The following SRGAP2B variants were observed in gnomAD, a reference collection of about 807,000 sequenced individuals.
The protein encoded by SRGAP2B is SLIT-ROBO Rho GTPase activating protein 2B, also known as SLIT-ROBO Rho GTPase-activating protein 2B.
SRGAP2B carries 9 observed loss-of-function variants against 22.2 expected under a neutral mutation model. The ratio of observed to expected loss-of-function variants is 0.41; its 90% confidence interval spans 0.24 to 0.71. SRGAP2B has a LOEUF of 0.71. SRGAP2B is among the 30% of genes least tolerant of loss of function. The probability of loss-of-function intolerance (pLI) is 0.35; values close to 1 mark genes in which losing one functional copy is unlikely to be tolerated. For synonymous variants in SRGAP2B, 36 were observed against 87.4 expected (o/e 0.41, Z 3.28); for missense variants, 114 against 235.8 (o/e 0.48, Z 3.38).
At chr1:145,013,411 T>C (rs1424568507) in intron 2 of SRGAP2B, among the ~76,000 whole-genome samples, 2 of 149,932 alleles carry the variant, frequency 1.3e-5, no homozygotes, top group Non-Finnish European at 2.9e-5. Flanking sequence ...CAATGTGAAA[T>C]ACAAGGCATG....
chr1:144,909,126 A>G (rs1245741118), intron 5 of SRGAP2B, among the ~76,000 whole-genome samples: 2 of 150,020 alleles, frequency 1.3e-5, no homozygotes, highest in East Asian at 3.9e-4. Flanking sequence ...AAAAGAATGG[A>G]AGCTGAAGCC....
intron 2 of SRGAP2B, among the ~76,000 whole-genome samples, chr1:145,002,728 T>C (rs1671284675): frequency 6.7e-6 from 1 of 149,060 alleles, no homozygotes; most frequent in Admixed American, 6.7e-5. Flanking sequence ...ATGATCCAAA[T>C]ATACATTTCA....
intron 4 of SRGAP2B, among the ~76,000 whole-genome samples, chr1:144,934,403 C>CAAAAAAAAAA (rs782588401): frequency 2.0e-4 from 8 of 40,680 alleles, no homozygotes; most frequent in African/African-American, 8.5e-4. Context: ...AACTCCATCT[C>CAAAAAAAAAA]AAAAAAAAAA....
At chr1:144,908,456 TTG>T (rs1167586200) in intron 5 of SRGAP2B, among the ~76,000 whole-genome samples, 2 of 142,126 alleles carry the variant, frequency 1.4e-5, no homozygotes, top group Non-Finnish European at 3.0e-5. Context: ...TCTACTTCTT[TTG>T]TGTTTTCTTC....
intron 2 of SRGAP2B, among the ~76,000 whole-genome samples, chr1:145,013,090 A>C (rs1304362521): frequency 6.6e-6 from 1 of 150,928 alleles, no homozygotes; most frequent in Non-Finnish European, 1.5e-5. Context: ...CTCCAAAAAA[A>C]AGTGTGATGA....
intron 2 of SRGAP2B, among the ~76,000 whole-genome samples, chr1:145,010,653 C>T (rs1256254905): frequency 6.7e-6 from 1 of 150,366 alleles, no homozygotes; most frequent in Non-Finnish European, 1.5e-5. Context: ...TTTTATAGTA[C>T]ATACGGTATA....
Position 144,933,455 on chromosome 1 carries a change from C to T in SRGAP2B, c.424-18701G>A, listed in dbSNP as rs1325762708. On this transcript the variant is annotated intron_variant, in intron 4 of 9. Transcript: ENST00000612199. The stretch of plus-strand genomic sequence containing the variant: ...ATTTTGGAGCAAAAAGCTCAACTCC[C>T]TATCCTTAACTCTTTCTCCTCTCGC... Among the ~76,000 whole-genome samples, 6 of 144,004 alleles carry T rather than the reference C, an allele frequency of 4.2e-5. No homozygotes were observed. In the East Asian group the frequency reaches 1.0e-3, roughly 24 times the overall value. 94.5% of individuals were successfully genotyped at this position (144,004 alleles called of 152,430 possible). A position where few individuals can be genotyped will look rare whatever the true frequency, so the allele number is the denominator to read the frequency against.
intron 2 of SRGAP2B, among the ~76,000 whole-genome samples, chr1:144,996,363 GA>G (rs1481950879): frequency 1.4e-5 from 2 of 145,716 alleles, no homozygotes; most frequent in African/African-American, 2.7e-5. Flanking sequence ...CAATCCCACA[GA>G]AAAGGAGCAC....
intron 2 of SRGAP2B, among the ~76,000 whole-genome samples, chr1:145,015,701 G>A (rs1289124278): frequency 7.1e-6 from 1 of 141,842 alleles, no homozygotes; most frequent in African/African-American, 2.8e-5. Context: ...AGGCCCAGAG[G>A]CAACAGAAAA....
chr1:144,964,741 A>T (rs587751992), intron 3 of SRGAP2B, among the ~76,000 whole-genome samples: 39 of 150,728 alleles, frequency 2.6e-4, no homozygotes, highest in African/African-American at 9.7e-4. Context: ...GGGTCTCAAA[A>T]TCTCTTCACC....
chr1:144,944,683 T>TTTTAATTA (rs1553608108), intron 4 of SRGAP2B, among the ~76,000 whole-genome samples: 1 of 132,304 alleles, frequency 7.6e-6, no homozygotes, highest in African/African-American at 3.0e-5. Context: ...GAATTGGTTG[T>TTTTAATTA]TTTATTTATT....
intron 3 of SRGAP2B, among the ~76,000 whole-genome samples, chr1:144,988,769 T>C (rs1353885301): frequency 6.7e-6 from 1 of 149,540 alleles, no homozygotes; most frequent in African/African-American, 2.5e-5. Context: ...GATGGCCTCG[T>C]ACTGCTCTAC....
chr1:144,978,979 G>A (rs1445569417), intron 3 of SRGAP2B, among the ~76,000 whole-genome samples: 1 of 151,292 alleles, frequency 6.6e-6, no homozygotes, highest in Non-Finnish European at 1.5e-5. Flanking sequence ...CTAGGGGATG[G>A]GGATCAAGAA....
chr1:144,892,793 TTC>T, intron 9 of SRGAP2B, among the ~76,000 whole-genome samples: 1 of 113,964 alleles, frequency 8.8e-6, no homozygotes. Context: ...AAGCCCCAGG[TTC>T]TGTTTCATGA....
rs1417805500 is a variant in SRGAP2B, at chr1:144,905,083, G to A, written c.831+8C>T. 8 of 740,814 alleles carry A rather than the reference G, an allele frequency of 1.1e-5. No individual in the cohort carries two copies. Among genetic ancestry groups the A allele is most frequent in the Non-Finnish European group, 2.0e-5 (8 of 400,052 alleles). The allele number at this position is 740,814 out of a possible 1,614,324, so 45.9% of individuals were successfully genotyped here. A position where few individuals can be genotyped will look rare whatever the true frequency, so the allele number is the denominator to read the frequency against. ...GGTGCCCTCAGGCCCTTGGCTTTAA[G>A]CACTTACATCAATAAGGTCAGATAG... On this transcript the variant is annotated splice_region_variant and intron_variant, in intron 7 of 9. Transcript: ENST00000612199.
At chr1:145,030,444 G>A (rs1292295841) in intron 2 of SRGAP2B, among the ~76,000 whole-genome samples, 57 of 133,278 alleles carry the variant, frequency 4.3e-4, no homozygotes, top group Admixed American at 1.6e-3. Context: ...GCAAACTATC[G>A]CAAGGAAAAA....
intron 2 of SRGAP2B, among the ~76,000 whole-genome samples, chr1:145,015,971 CA>C (rs1241658447): frequency 9.0e-6 from 1 of 111,266 alleles, no homozygotes; most frequent in Non-Finnish European, 1.8e-5. Flanking sequence ...AACAGAGAGC[CA>C]AAGTAGAAGG....
Position 145,023,128 on chromosome 1 carries a change from C to T in SRGAP2B, c.68-27928G>A, listed in dbSNP as rs372807687. The stretch of plus-strand genomic sequence containing the variant: ...GTTGCAGTGAGCAGAGATCGCGCCA[C>T]TGCACTCCAGCCTGGTGACAGAGTG... On this transcript the variant is annotated intron_variant, in intron 2 of 9. Transcript: ENST00000612199. Among the ~76,000 whole-genome samples, 27 of 145,736 alleles carry T rather than the reference C, an allele frequency of 1.9e-4. No homozygotes were observed. The East Asian group carries it at 4.6e-3, about 25-fold the overall frequency.
chr1:144,984,367 A>C (rs1289495137), intron 3 of SRGAP2B, among the ~76,000 whole-genome samples: 24 of 141,050 alleles, frequency 1.7e-4, no homozygotes, highest in African/African-American at 6.2e-4. Flanking sequence ...AACAACAACA[A>C]AAAAAAAAAA....
Sources: gnomAD v4.1 joint callset for allele counts (sites outside exome capture counted in the v4.1 genomes callset) on GRCh38, gnomAD v4.1.1 for gene constraint, MANE v1.5 for transcripts, NCBI Gene and HGNC (gene_info 2026-07-23, HGNC 2026-07-21) for gene names.